Variants in DNAH11 observed in about 807,000 individuals in gnomAD.
The protein encoded by DNAH11 is dynein axonemal heavy chain 11.
DNAH11 carries 442 observed loss-of-function variants against 526.0 expected under a neutral mutation model. That is an observed-to-expected ratio of 0.84 (90% CI 0.78 to 0.91). The LOEUF is 0.91. Among genes scored for constraint, DNAH11 ranks in the 40% least tolerant of loss-of-function variants. The pLI, the probability that DNAH11 is intolerant of heterozygous loss-of-function variation, is 0.00. For missense variants in DNAH11, 6,989 were observed against 5,448.7 expected (o/e 1.28, Z -8.90); for synonymous variants, 2,461 against 1,935.9 (o/e 1.27, Z -7.12).
At chr7:21,756,393 G>C (rs1786643036) in intron 54 of DNAH11, among the ~76,000 whole-genome samples, 1 of 151,980 alleles carries the variant, frequency 6.6e-6, no homozygotes, top group East Asian at 1.9e-4. Flanking sequence ...CTGCATAATT[G>C]CCACACTGCA....
At chr7:21,778,426 G>A (rs1004439773) in intron 56 of DNAH11, among the ~76,000 whole-genome samples, 6 of 152,126 alleles carry the variant, frequency 3.9e-5, no homozygotes, top group Non-Finnish European at 5.9e-5. Flanking sequence ...AAATCAAGAG[G>A]CCTATTTTCT....
At chr7:21,765,719 C>G (rs548407938) in intron 55 of DNAH11, 130 bp downstream of exon 55, 1 of 1,253,716 alleles carries the variant, frequency 8.0e-7, no homozygotes, top group Non-Finnish European at 1.1e-6. Context: ...GAAAGCTATC[C>G]TGATTTGTTT....
At chr7:21,889,060 A>G (rs538119146) in intron 76 of DNAH11, among the ~76,000 whole-genome samples, 125 of 134,168 alleles carry the variant, frequency 9.3e-4, no homozygotes, top group African/African-American at 3.3e-3. Context: ...TTTGTTTCCC[A>G]CCCCATATTC....
Position 21,601,400 on chromosome 7 carries a change from A to T in DNAH11, c.3430A>T (p.Asn1144Tyr). 6.2e-7 allele frequency: 1 copy of T among 1,611,358 alleles called. No individual in the cohort carries two copies. ...HLLRFVIDSL[N>Y]ELQEFIKETD... ...ATGTACATATATATTTAATAGTCTG[A>T]ATGAGCTACAAGAATTTATAAAGGA... Residue 1144 changes from asparagine to tyrosine, a missense_variant, in exon 18 of 82, where the codon AAT becomes TAT. Coordinates refer to ENST00000409508, the MANE Select transcript of DNAH11 (RefSeq NM_001277115.2).
At chr7:21,879,508 T>C (rs997904846) in intron 74 of DNAH11, among the ~76,000 whole-genome samples, 1 of 152,060 alleles carries the variant, frequency 6.6e-6, no homozygotes, top group Non-Finnish European at 1.5e-5. Flanking sequence ...TTTCCCAATT[T>C]TCCATATATC....
chr7:21,569,246 T>G (rs1783785722), intron 6 of DNAH11, among the ~76,000 whole-genome samples: 1 of 152,228 alleles, frequency 6.6e-6, no homozygotes, highest in East Asian at 1.9e-4. Flanking sequence ...AACAACATTC[T>G]AAGCGACCAC....
At chr7:21,802,517 C>T (rs1789039513) in intron 62 of DNAH11, among the ~76,000 whole-genome samples, 1 of 152,052 alleles carries the variant, frequency 6.6e-6, no homozygotes, top group African/African-American at 2.4e-5. Context: ...AGCTCATATG[C>T]AATGTTCATA....
At chr7:21,630,957 T>C (rs1020050681) in intron 25 of DNAH11, among the ~76,000 whole-genome samples, 1 of 152,184 alleles carries the variant, frequency 6.6e-6, no homozygotes, top group Non-Finnish European at 1.5e-5. Flanking sequence ...AAGACTTGTT[T>C]TGTGGCTGTA....
Position 21,750,352 on chromosome 7 carries a change from A to C in DNAH11, c.8928A>C (p.Arg2976=). The change falls in exon 54 of 82, where the codon CGA becomes CGC. Residue 2976 remains arginine (R), a synonymous_variant. Transcript: ENST00000409508. ...GGAAATTCTTTATGGCCAGGGTGCG[A>C]CTACAGCTCAAAGTAAGAAATACTT... ...NCWKFFMARV[R]LQLKIILCFS... 1.2e-6 allele frequency: 2 copies of C among 1,603,242 alleles called. No individual in the cohort carries two copies. The highest frequency in any genetic ancestry group is 1.7e-6 in the Non-Finnish European group (2 of 1,174,708).
intron 6 of DNAH11, among the ~76,000 whole-genome samples, chr7:21,566,753 C>T (rs1176108308): frequency 2.0e-5 from 3 of 151,894 alleles, no homozygotes; most frequent in South Asian, 2.1e-4. Flanking sequence ...GGTATGCTAA[C>T]GATAATTGTA....
rs1784859621 is a variant in DNAH11 at position 21,901,582 on chromosome 7, T to G, written c.*328T>G. The G allele has an allele frequency of 1.1e-5, 2 of 180,662 alleles. No homozygotes were observed. Among genetic ancestry groups the G allele is most frequent in the African/African-American group, 4.8e-5 (2 of 41,964 alleles). The allele number at this position is 180,662 out of a possible 1,614,324, so 11.2% of individuals were successfully genotyped here. On this transcript the variant is annotated 3_prime_UTR_variant, in exon 82 of 82. Coordinates refer to ENST00000409508, the MANE Select transcript of DNAH11 (RefSeq NM_001277115.2). Reference sequence around the variant, plus strand: ...AGACTCCATCTCAAAAAAAAAAAAGTACATCATAAAAGTACATCATATGTG... The same window carrying G: ...AGACTCCATCTCAAAAAAAAAAAAGGACATCATAAAAGTACATCATATGTG...
chr7:21,897,607 C>CA (rs1338701368), intron 79 of DNAH11, among the ~76,000 whole-genome samples: 1 of 123,208 alleles, frequency 8.1e-6, no homozygotes, highest in South Asian at 3.1e-4. Context: ...TAGGAAAACT[C>CA]AAATTTTCTA....
chr7:21,556,609 A>G (rs932784086), intron 2 of DNAH11, among the ~76,000 whole-genome samples: 18 of 152,122 alleles, frequency 1.2e-4, no homozygotes, highest in African/African-American at 4.3e-4. Context: ...TGGTATACAG[A>G]GAGTTTGTTA....
rs574817733 is a variant in DNAH11 at position 21,600,158 on chromosome 7, A to G, written c.3000+39A>G. The G allele has an allele frequency of 6.3e-5, 93 of 1,478,288 alleles. 1 individual carries two copies. In the South Asian group the frequency reaches 1.3e-3, roughly 20 times the overall value. 91.6% of individuals were successfully genotyped at this position (1,478,288 alleles called of 1,614,324 possible). On this transcript the variant is annotated intron_variant, in intron 15 of 81. Coordinates refer to ENST00000409508, the MANE Select transcript of DNAH11 (RefSeq NM_001277115.2). ...AAATGGGTATTTAGCTTTTATATTA[A>G]TGATTCAAAAACAAATTGTGGCTGA...
chr7:21,600,715 C>G lies in DNAH11; in HGVS notation c.3040C>G (p.Gln1014Glu), dbSNP rs375314297. 6.1e-5 allele frequency: 99 copies of G among 1,613,450 alleles called. No homozygotes were observed. Among genetic ancestry groups the G allele is most frequent in the Non-Finnish European group, 7.5e-5 (89 of 1,179,668 alleles). ...CATGTTAGGCCTGGCAGAGGTCAGG[C>G]AGGAGATCATGAACAGAGTGGTGAA... ...DNMLGLAEVR[Q>E]EIMNRVVNVI... The change falls in exon 16 of 82, where the codon CAG becomes GAG. Residue 1014 changes from glutamine to glutamate, a missense_variant. By Grantham distance (29) the Gln-to-Glu change is conservative (BLOSUM62 2). Transcript: ENST00000409508.
chr7:21,762,225 A>G (rs1427565427), intron 54 of DNAH11, among the ~76,000 whole-genome samples: 4 of 152,156 alleles, frequency 2.6e-5, no homozygotes, highest in African/African-American at 9.7e-5. Flanking sequence ...CATACCAATA[A>G]TGAGGCCTTA....
chr7:21,558,761 A>G, intron 2 of DNAH11, 41 bp from the exon 3 acceptor site: 1 of 1,457,340 alleles, frequency 6.9e-7, no homozygotes, highest in Non-Finnish European at 9.3e-7. Flanking sequence ...GAAGGAATGC[A>G]TTGTCTGTAA....
chr7:21,659,102 T>C (rs1782140490), intron 30 of DNAH11, 71 bp downstream of exon 30: 4 of 1,273,554 alleles, frequency 3.1e-6, no homozygotes, highest in African/African-American at 1.5e-5. Context: ...TTCATTCTTT[T>C]AGTCATTCAT....
At chr7:21,710,905 C>G (rs557269108) in intron 41 of DNAH11, among the ~76,000 whole-genome samples, 1 of 152,200 alleles carries the variant, frequency 6.6e-6, no homozygotes, top group South Asian at 2.1e-4. Flanking sequence ...CTCTTTGTTT[C>G]TTTGAATTCA....
Sources: allele counts gnomAD v4.1 joint callset (sites outside exome capture counted in the v4.1 genomes callset), GRCh38; gene constraint gnomAD v4.1.1; transcripts MANE v1.5; gene names NCBI Gene and HGNC (gene_info 2026-07-23, HGNC 2026-07-21).